CSMD1: variants seen among roughly 807,000 people sequenced by gnomAD.
CSMD1 encodes CUB and Sushi multiple domains 1, also known as CUB and sushi domain-containing protein 1.
CSMD1 carries 213 observed loss-of-function variants against 417.5 expected under a neutral mutation model. The ratio of observed to expected loss-of-function variants is 0.51; its 90% CI spans 0.46 to 0.57. CSMD1 has a LOEUF of 0.57. CSMD1 is among the 20% of genes least tolerant of loss of function. The probability of loss-of-function intolerance (pLI) is 0.00; values close to 1 mark genes in which losing one functional copy is unlikely to be tolerated. For synonymous variants in CSMD1, 2,862 were observed against 1,736.8 expected (o/e 1.65, Z -16.11); for missense variants, 6,923 against 4,529.7 (o/e 1.53, Z -15.17).
At chr8:3,427,295 A>G (rs1157749137) in intron 12 of CSMD1, among the ~76,000 whole-genome samples, 3 of 152,210 alleles carry the variant, frequency 2.0e-5, no homozygotes, top group Non-Finnish European at 4.4e-5. Context: ...AAATGACACA[A>G]ATAAAATCAG....
At chr8:3,261,741 C>T (rs1404696147) in intron 26 of CSMD1, among the ~76,000 whole-genome samples, 2 of 152,018 alleles carry the variant, frequency 1.3e-5, no homozygotes, top group Non-Finnish European at 2.9e-5. Context: ...ATGAAGAGGC[C>T]AGTCCGAGAG....
At chr8:4,006,583 T>C (rs189909696) in intron 4 of CSMD1, among the ~76,000 whole-genome samples, 253 of 152,276 alleles carry the variant, frequency 1.7e-3, no homozygotes, top group African/African-American at 6.0e-3. Context: ...ATTCTTGGGA[T>C]GTTAGTTTTA....
At chr8:4,607,690 C>A (rs566617304) in intron 2 of CSMD1, among the ~76,000 whole-genome samples, 12 of 152,134 alleles carry the variant, frequency 7.9e-5, no homozygotes, top group Non-Finnish European at 1.6e-4. Context: ...TTTTTTCCAG[C>A]AATCTTCGTG....
At chr8:4,804,917 A>G (rs1232914633) in intron 1 of CSMD1, among the ~76,000 whole-genome samples, 1 of 152,340 alleles carries the variant, frequency 6.6e-6, no homozygotes, top group Non-Finnish European at 1.5e-5. Context: ...AGAGAAAAGA[A>G]AACACTTAAA....
intron 10 of CSMD1, among the ~76,000 whole-genome samples, chr8:3,518,767 G>C (rs573796102): frequency 6.6e-6 from 1 of 151,014 alleles, no homozygotes; most frequent in African/African-American, 2.5e-5. Context: ...TACATGCTCT[G>C]TTTGTTAGAA....
intron 4 of CSMD1, among the ~76,000 whole-genome samples, chr8:4,002,485 G>C (rs1051151391): frequency 1.3e-5 from 2 of 152,102 alleles, no homozygotes; most frequent in South Asian, 2.1e-4. Context: ...AAGCTCTACA[G>C]GATGATCAAT....
intron 2 of CSMD1, among the ~76,000 whole-genome samples, chr8:4,617,517 A>G (rs757288769): frequency 2.6e-5 from 4 of 152,170 alleles, no homozygotes; most frequent in Admixed American, 6.5e-5. Context: ...AGACAATGCT[A>G]TGAGGTTTCT....
chr8:3,410,734 T>A lies in CSMD1; in HGVS notation c.1562-1129A>T, dbSNP rs567531927. 6.6e-5 allele frequency among the ~76,000 whole-genome samples: 10 copies of A among 152,122 alleles called. No homozygotes were observed. In the South Asian group the frequency reaches 1.9e-3, roughly 28 times the overall value. ...AGGGGTTATGTTTTATGGAGGAAAATTTTTTAAAATTATTATTTTTTTGAG... is the reference window on the plus strand; with the variant it reads ...AGGGGTTATGTTTTATGGAGGAAAAATTTTTAAAATTATTATTTTTTTGAG... On this transcript the variant is annotated intron_variant, in intron 12 of 69. Coordinates refer to ENST00000635120, the MANE Select transcript of CSMD1 (RefSeq NM_033225.6).
At chr8:4,815,640 G>A (rs1223502406) in intron 1 of CSMD1, among the ~76,000 whole-genome samples, 1 of 132,852 alleles carries the variant, frequency 7.5e-6, no homozygotes, top group Non-Finnish European at 1.5e-5. Flanking sequence ...AGGTTGCAGT[G>A]AACTGAGGCT....
intron 3 of CSMD1, among the ~76,000 whole-genome samples, chr8:4,152,361 T>A (rs374232434): frequency 2.0e-5 from 3 of 152,132 alleles, no homozygotes; most frequent in East Asian, 3.9e-4. Context: ...TAAGCAGGAA[T>A]GCTTATGTAC....
intron 3 of CSMD1, among the ~76,000 whole-genome samples, chr8:4,199,015 T>C (rs975896238): frequency 2.0e-5 from 3 of 152,176 alleles, no homozygotes; most frequent in Non-Finnish European, 4.4e-5. Context: ...CAAAGTTCAC[T>C]TTCAATCCCC....
intron 15 of CSMD1, among the ~76,000 whole-genome samples, chr8:3,401,623 T>G (rs907740193): frequency 6.6e-6 from 1 of 152,124 alleles, no homozygotes; most frequent in Non-Finnish European, 1.5e-5. Flanking sequence ...GTAGCTACAG[T>G]TGGAAGTGAA....
intron 5 of CSMD1, among the ~76,000 whole-genome samples, chr8:3,887,729 G>C (rs1436648152): frequency 2.0e-5 from 3 of 152,130 alleles, no homozygotes; most frequent in Admixed American, 2.0e-4. Flanking sequence ...TTTGATCTGT[G>C]GATAGAAAAA....
intron 10 of CSMD1, among the ~76,000 whole-genome samples, chr8:3,502,008 T>C (rs925757770): frequency 1.1e-4 from 17 of 152,124 alleles, no homozygotes; most frequent in Non-Finnish European, 2.2e-4. Flanking sequence ...TGGAAGATAC[T>C]TTGGAAGCTT....
chr8:4,170,119 C>G (rs775671504), intron 3 of CSMD1, among the ~76,000 whole-genome samples: 1 of 151,806 alleles, frequency 6.6e-6, no homozygotes, highest in African/African-American at 2.4e-5. Context: ...TGTTTTCTCC[C>G]TCCAGGGGCT....
At chr8:4,564,009 C>A (rs566547129) in intron 2 of CSMD1, among the ~76,000 whole-genome samples, 4 of 152,252 alleles carry the variant, frequency 2.6e-5, no homozygotes, top group African/African-American at 9.6e-5. Flanking sequence ...TGAGGAGTTA[C>A]GCCCATGGAG....
intron 1 of CSMD1, among the ~76,000 whole-genome samples, chr8:4,846,537 C>G (rs556461202): frequency 6.6e-6 from 1 of 152,336 alleles, no homozygotes; most frequent in East Asian, 1.9e-4. Context: ...GGTCCAGCCA[C>G]AGGCTCCTGT....
At chr8:3,714,296 T>C (rs1801699920) in intron 6 of CSMD1, among the ~76,000 whole-genome samples, 1 of 151,044 alleles carries the variant, frequency 6.6e-6, no homozygotes, top group South Asian at 2.1e-4. Flanking sequence ...TAGATTTCTG[T>C]TAAATTTGAG....
chr8:3,652,685 G>A (rs1036409001), intron 7 of CSMD1, among the ~76,000 whole-genome samples: 3 of 152,154 alleles, frequency 2.0e-5, no homozygotes, highest in Non-Finnish European at 4.4e-5. Context: ...ACAGTATGGG[G>A]GAAACTGCCC....
Sources: gnomAD v4.1 joint callset for allele counts (sites outside exome capture counted in the v4.1 genomes callset) on GRCh38, gnomAD v4.1.1 for gene constraint, MANE v1.5 for transcripts, NCBI Gene and HGNC (gene_info 2026-07-23, HGNC 2026-07-21) for gene names.